Variants in MICAL2 observed in about 807,000 individuals in gnomAD.
MICAL2 encodes the protein [F-actin]-monooxygenase MICAL2.
Under a neutral mutation model 127.3 loss-of-function variants are expected in MICAL2, and 77 were observed. That is an observed-to-expected ratio of 0.60 (90% CI 0.50 to 0.73). The LOEUF (loss-of-function observed/expected upper bound fraction) is 0.73. MICAL2 is among the 30% of genes least tolerant of loss of function. The pLI is 0.00. For missense variants in MICAL2, 1,351 were observed against 1,434.4 expected (o/e 0.94, Z 0.94); for synonymous variants, 570 against 551.1 (o/e 1.03, Z -0.48).
chr11:12,303,372 T>C (rs1864071358), intron 29 of MICAL2, among the ~76,000 whole-genome samples: 1 of 152,212 alleles, frequency 6.6e-6, no homozygotes, highest in East Asian at 1.9e-4. Context: ...GTAGCTAGTG[T>C]GAATGAGGAA....
intron 33 of MICAL2, among the ~76,000 whole-genome samples, chr11:12,354,494 C>T (rs1183462035): frequency 1.3e-5 from 2 of 149,268 alleles, no homozygotes; most frequent in South Asian, 4.2e-4. Context: ...AAAAATTAGC[C>T]AGGCGTGGTG....
intron 32 of MICAL2, among the ~76,000 whole-genome samples, chr11:12,335,854 T>A (rs1341391456): frequency 1.3e-5 from 2 of 152,234 alleles, no homozygotes; most frequent in East Asian, 3.8e-4. Flanking sequence ...TTGGTTACTG[T>A]AGCCTTGTAG....
In MICAL2 at chr11:12,117,455, C is replaced by T. The variant is rs1342103377; in HGVS notation, c.-149+6729C>T. Reference sequence around the variant, plus strand: ...AGGTGCAGAAACTACTTCTTTGTTCCCACGACTCTGAATGGCTGGCCCTGG... The same window carrying T: ...AGGTGCAGAAACTACTTCTTTGTTCTCACGACTCTGAATGGCTGGCCCTGG... On this transcript the variant is annotated intron_variant, in intron 1 of 27. Transcript: ENST00000683283. Among the ~76,000 whole-genome samples, 3 of 152,236 alleles carry T rather than the reference C, an allele frequency of 2.0e-5. No individual in the cohort carries two copies. In the South Asian group the frequency reaches 6.2e-4, roughly 32 times the overall value.
chr11:12,231,502 G>A (rs1428613787), intron 15 of MICAL2, among the ~76,000 whole-genome samples: 3 of 152,218 alleles, frequency 2.0e-5, no homozygotes, highest in Admixed American at 1.3e-4. Flanking sequence ...GTGGCATTAC[G>A]TGCGAAGGTG....
intron 1 of MICAL2, among the ~76,000 whole-genome samples, chr11:12,117,980 T>C (rs1034068505): frequency 6.6e-6 from 1 of 152,162 alleles, no homozygotes; most frequent in Admixed American, 6.5e-5. Context: ...TTGGGGACCA[T>C]GGGGTCCATG....
Position 12,242,415 on chromosome 11 carries a change from G to A in MICAL2, c.2539G>A (p.Glu847Lys), listed in dbSNP as rs1266261661. The A allele has an allele frequency of 5.0e-6, 8 of 1,607,302 alleles. No individual in the cohort carries two copies. ...GGTGCTGTGGCGGCTGCAGCAAGTG[G>A]AGGAAAAGATTCTCCAGGTGAGAGA... The part of the protein sequence containing the change: ...SGVLWRLQQV[E>K]EKILQKRAQN... Residue 847 changes from glutamate to lysine, a missense_variant, in exon 19 of 28, where the codon GAG becomes AAG. Physicochemically the swap from Glu to Lys is moderately conservative, Grantham distance 56. This residue lies in a region of MICAL2 where 752 missense variants were observed against 719.4 expected (regional missense o/e 1.05). Coordinates refer to ENST00000683283, the MANE Select transcript of MICAL2 (RefSeq NM_001282663.2).
exon 30 of MICAL2, chr11:12,319,785 G>C (rs748806372): frequency 1.9e-6 from 3 of 1,613,896 alleles, no homozygotes; most frequent in Non-Finnish European, 1.7e-6. Context: ...TGAAGAATTT[G>C]ATCCCCAGCT....
chr11:12,186,216 A>G (rs1858243444), intron 3 of MICAL2, among the ~76,000 whole-genome samples: 1 of 152,262 alleles, frequency 6.6e-6, no homozygotes, highest in Admixed American at 6.5e-5. Context: ...CTACGCAGGA[A>G]TAGGAATGAA....
At chr11:12,173,785 A>C (rs1856544044) in intron 3 of MICAL2, among the ~76,000 whole-genome samples, 1 of 152,074 alleles carries the variant, frequency 6.6e-6, no homozygotes, top group African/African-American at 2.4e-5. Context: ...GTGGAATCAT[A>C]TTGTCTTTGT....
intron 26 of MICAL2, chr11:12,260,135 A>T: frequency 6.5e-7 from 1 of 1,533,648 alleles, no homozygotes; most frequent in African/African-American, 1.4e-5. Context: ...AGCATCTGCA[A>T]CTGGGTGCTC....
chr11:12,241,801 T>G (rs1860002024), intron 18 of MICAL2, among the ~76,000 whole-genome samples: 1 of 152,214 alleles, frequency 6.6e-6, no homozygotes, highest in Non-Finnish European at 1.5e-5. Context: ...GTGACTACAA[T>G]GCAGCAATTT....
intron 3 of MICAL2, among the ~76,000 whole-genome samples, chr11:12,186,026 A>G (rs1046271661): frequency 2.6e-5 from 4 of 152,382 alleles, no homozygotes; most frequent in African/African-American, 4.8e-5. Flanking sequence ...AGCTCTGGGC[A>G]CTGGCGAGCA....
At chr11:12,217,066 G>T (rs1457378990) in intron 8 of MICAL2, among the ~76,000 whole-genome samples, 2 of 152,204 alleles carry the variant, frequency 1.3e-5, no homozygotes, top group Non-Finnish European at 2.9e-5. Context: ...AGGGTTGGAA[G>T]GAAGAAACAT....
chr11:12,342,296 G>A (rs1349413406), intron 32 of MICAL2, among the ~76,000 whole-genome samples: 4 of 152,256 alleles, frequency 2.6e-5, no homozygotes, highest in Non-Finnish European at 2.9e-5. Context: ...TATGGGACCA[G>A]ATGGAGATGT....
chr11:12,231,525 A>G (rs1405627085), intron 15 of MICAL2, among the ~76,000 whole-genome samples: 1 of 152,216 alleles, frequency 6.6e-6, no homozygotes, highest in Admixed American at 6.5e-5. Context: ...TCTTCCTTCC[A>G]TCTACTCATT....
At chr11:12,201,419 G>T (rs1408434478) in intron 3 of MICAL2, among the ~76,000 whole-genome samples, 2 of 151,266 alleles carry the variant, frequency 1.3e-5, no homozygotes, top group East Asian at 2.0e-4. Context: ...TTAAGATAAG[G>T]TTTGATCTCA....
chr11:12,268,358 G>A (rs117044644), downstream of MICAL2, among the ~76,000 whole-genome samples: 133 of 152,366 alleles, frequency 8.7e-4, 1 homozygote, highest in East Asian at 0.021. Flanking sequence ...GCTGAGGTTG[G>A]CAGCAGAGAG....
chr11:12,253,134 G>A (rs1400027269), intron 22 of MICAL2: 1 of 152,252 alleles, frequency 6.6e-6, no homozygotes. Context: ...GTTTGCAGAA[G>A]GGGGTATGTA....
chr11:12,218,438 C>T (rs1856444672), intron 8 of MICAL2, among the ~76,000 whole-genome samples: 1 of 152,220 alleles, frequency 6.6e-6, no homozygotes, highest in Admixed American at 6.5e-5. Context: ...CTAGTGTCTT[C>T]CCTTTGCTAG....
Sources: allele counts gnomAD v4.1 joint callset (sites outside exome capture counted in the v4.1 genomes callset), GRCh38; gene constraint gnomAD v4.1.1; regional missense constraint gnomAD v4.1.1; transcripts MANE v1.5; gene names NCBI Gene and HGNC (gene_info 2026-07-23, HGNC 2026-07-21).